The following NUP42 variants were observed in gnomAD, a reference collection of about 807,000 sequenced individuals.
NUP42 encodes the protein nucleoporin NUP42.
NUP42 carries 47 observed loss-of-function variants against 35.9 expected under a neutral mutation model. That is an observed-to-expected ratio of 1.31 (90% CI 1.04 to 1.67). NUP42 has a LOEUF of 1.67. Ranked by LOEUF, NUP42 falls within the 40% of genes most tolerant of loss-of-function variation. The pLI, the probability that NUP42 is intolerant of heterozygous loss-of-function variation, is 0.00. For synonymous variants in NUP42, 173 were observed against 173.3 expected, an observed-to-expected ratio of 1.00 and a Z score of 0.01; for missense variants, 514 against 492.2, an observed-to-expected ratio of 1.04 and a Z score of -0.42.
At chr7:23,191,970 C>A (rs537073667) in intron 3 of NUP42, among the ~76,000 whole-genome samples, 1 of 152,126 alleles carries the variant, frequency 6.6e-6, no homozygotes, top group Non-Finnish European at 1.5e-5. Flanking sequence ...AAATAAAAAA[C>A]AAGTTACAGC....
chr7:23,182,231 G>C (rs1257879349), intron 1 of NUP42, 25 bp downstream of exon 1: 1 of 1,582,396 alleles, frequency 6.3e-7, no homozygotes, highest in Non-Finnish European at 8.6e-7. Flanking sequence ...AATCCTCCGC[G>C]GTAACCGAGC....
chr7:23,198,487 G>A (rs1036123605), intron 5 of NUP42: 3 of 152,246 alleles, frequency 2.0e-5, no homozygotes, highest in Admixed American at 6.5e-5. Context: ...GGGATTACAG[G>A]CGTGAGCCAC....
At chr7:23,194,425 C>G (rs1421768279) in intron 3 of NUP42, 1 of 143,818 alleles carries the variant, frequency 7.0e-6, no homozygotes, top group African/African-American at 2.6e-5. Flanking sequence ...GGCGCCATCT[C>G]AGCTCACTAC....
rs925046182 is a variant in NUP42, at chr7:23,183,094, C to A, written c.121+888C>A. Reference sequence around the variant, plus strand: ...GGCCACGTTGATCTAGTCCCTGGGCCTAGATCATTGTCAAAGCTTTTTATC... The same window carrying A: ...GGCCACGTTGATCTAGTCCCTGGGCATAGATCATTGTCAAAGCTTTTTATC... On this transcript the variant is annotated intron_variant, in intron 1 of 6. Coordinates refer to ENST00000258742, the MANE Select transcript of NUP42 (RefSeq NM_007342.3). 2.6e-5 allele frequency among the ~76,000 whole-genome samples: 4 copies of A among 151,946 alleles called. No homozygotes were observed. The East Asian group carries it at 7.7e-4, about 29-fold the overall frequency.
At position 23,187,145 on chromosome 7, in the gene NUP42, AG is replaced by A. The variant is rs1785622358; in HGVS notation, c.445+1del. Reference protein sequence around the residue: ...SPVKKKPNISGFTDISPEELR... With the variant: ...SPVKKKPNISXFTDISPEELR... ...CAGTGAAAAAGAAACCTAATATTTC[AG>A]GTAACTGAAAAATTGTGCATTTTTA... On this transcript the variant is annotated frameshift_variant and splice_region_variant, in exon 3 of 7. Coordinates refer to ENST00000258742, the MANE Select transcript of NUP42 (RefSeq NM_007342.3). LOFTEE classifies it high-confidence loss of function. 6.3e-7 allele frequency: 1 copy of A among 1,591,178 alleles called. No homozygotes were observed. The highest frequency in any genetic ancestry group is 8.6e-7 in the Non-Finnish European group (1 of 1,164,202).
intron 1 of NUP42, among the ~76,000 whole-genome samples, chr7:23,183,034 A>G (rs1048073784): frequency 1.3e-5 from 2 of 152,182 alleles, no homozygotes; most frequent in African/African-American, 2.4e-5. Flanking sequence ...CGCCCAGTTA[A>G]GGGCTATCCG....
chr7:23,196,511 A>G (rs1466388207), intron 4 of NUP42, 169 bp from the exon 5 acceptor site: 5 of 565,728 alleles, frequency 8.8e-6, no homozygotes, highest in South Asian at 6.2e-5. Context: ...TGGAGCTGGC[A>G]TATCTTTGAC....
intron 5 of NUP42, chr7:23,197,123 A>G: frequency 2.4e-6 from 2 of 825,954 alleles, no homozygotes; most frequent in Non-Finnish European, 1.8e-6. Flanking sequence ...TTAGAATGTA[A>G]TGTATCGTTT....
chr7:23,199,105 A>G (rs978192730), intron 5 of NUP42, among the ~76,000 whole-genome samples: 2 of 152,088 alleles, frequency 1.3e-5, no homozygotes, highest in African/African-American at 2.4e-5. Context: ...TGCCTTTTTT[A>G]ATGCACTTTT....
At position 23,200,561 on chromosome 7, in the gene NUP42, C is replaced by G; in HGVS notation, c.1088C>G (p.Thr363Ser). The change falls in exon 7 of 7, where the codon ACT becomes AGT. Residue 363 changes from threonine to serine, a missense_variant. Thr to Ser is a moderately conservative substitution (Grantham distance 58, BLOSUM62 1). Coordinates refer to ENST00000258742, the MANE Select transcript of NUP42 (RefSeq NM_007342.3). ...GCTTTTTCTAAGCCATCCAGTGACA[C>G]TTTTGGAAATAGCAGCATATCCACT... ...HTAFSKPSSD[T>S]FGNSSISTSL... 6.2e-7 allele frequency: 1 copy of G among 1,614,102 alleles called. No homozygotes were observed. Among genetic ancestry groups the G allele is most frequent in the Non-Finnish European group, 8.5e-7 (1 of 1,180,014 alleles).
chr7:23,188,175 G>A (rs930046917), intron 3 of NUP42: 1 of 1,160,192 alleles, frequency 8.6e-7, no homozygotes, highest in East Asian at 3.2e-5. Context: ...CAGAACCTTG[G>A]GATCTTTCCT....
chr7:23,187,135 C>A lies in NUP42; in HGVS notation c.434C>A (p.Pro145His). Residue 145 changes from proline to histidine, a missense_variant, in exon 3 of 7, where the codon CCT becomes CAT. Transcript: ENST00000258742. Reference protein sequence around the residue: ...FSVYSPVKKKPNISGFTDISP... With the variant: ...FSVYSPVKKKHNISGFTDISP... ...GTTTATTCACCAGTGAAAAAGAAAC[C>A]TAATATTTCAGGTAACTGAAAAATT... 1 of 1,602,570 alleles carries A rather than the reference C, an allele frequency of 6.2e-7. No individual in the cohort carries two copies. The highest frequency in any genetic ancestry group is 8.5e-7 in the Non-Finnish European group (1 of 1,172,958).
intron 3 of NUP42, among the ~76,000 whole-genome samples, chr7:23,188,836 T>A (rs1466339967): frequency 1.3e-5 from 2 of 152,222 alleles, no homozygotes; most frequent in East Asian, 3.8e-4. Context: ...GCACTGTTGG[T>A]GCAGCAGCAT....
chr7:23,193,973 G>A (rs987080342), intron 3 of NUP42, among the ~76,000 whole-genome samples: 5 of 152,360 alleles, frequency 3.3e-5, no homozygotes, highest in African/African-American at 4.8e-5. Context: ...CCGCTGGCCC[G>A]GGTGCTAAGC....
chr7:23,200,763 C>A lies in NUP42; in HGVS notation c.*18C>A. 6.7e-7 allele frequency: 1 copy of A among 1,487,818 alleles called. No individual in the cohort carries two copies. The highest frequency in any genetic ancestry group is 9.0e-7 in the Non-Finnish European group (1 of 1,107,702). The allele number at this position is 1,487,818 out of a possible 1,614,324, so 92.2% of individuals were successfully genotyped here. ...ATGTTTAAAAGGGCAATTTTAAATA[C>A]AAAAAAGAATGATGTTTAAAATTGC... On this transcript the variant is annotated 3_prime_UTR_variant, in exon 7 of 7. Coordinates refer to ENST00000258742, the MANE Select transcript of NUP42 (RefSeq NM_007342.3).
intron 3 of NUP42, among the ~76,000 whole-genome samples, chr7:23,192,350 C>A (rs1183238981): frequency 6.6e-6 from 1 of 151,836 alleles, no homozygotes; most frequent in Non-Finnish European, 1.5e-5. Context: ...TCGAGACCAA[C>A]CTGGCCAATG....
intron 4 of NUP42, 38 bp from the exon 5 acceptor site, chr7:23,196,642 C>A: frequency 7.3e-7 from 1 of 1,364,116 alleles, no homozygotes; most frequent in Non-Finnish European, 1.0e-6. Context: ...CTTAAACATA[C>A]AATATTGAAC....
chr7:23,191,606 A>G (rs751307738), intron 3 of NUP42, among the ~76,000 whole-genome samples: 1 of 152,252 alleles, frequency 6.6e-6, no homozygotes, highest in Non-Finnish European at 1.5e-5. Flanking sequence ...CTTGGAGTTA[A>G]TAATAACTGG....
At chr7:23,193,918 C>T (rs1031109847) in intron 3 of NUP42, among the ~76,000 whole-genome samples, 8 of 152,252 alleles carry the variant, frequency 5.3e-5, no homozygotes, top group African/African-American at 1.7e-4. Context: ...TCCAGCGCAG[C>T]GCCGGTGGGC....
Sources: gnomAD v4.1 joint callset for allele counts (sites outside exome capture counted in the v4.1 genomes callset) on GRCh38, gnomAD v4.1.1 for gene constraint, MANE v1.5 for transcripts, NCBI Gene and HGNC (gene_info 2026-07-23, HGNC 2026-07-21) for gene names.